The following KCNH8 variants were observed in gnomAD, a reference collection of about 807,000 sequenced individuals.
The protein encoded by KCNH8 is voltage-gated delayed rectifier potassium channel KCNH8.
A neutral mutation model predicts 103.6 loss-of-function variants in KCNH8; 70 were observed. That is an observed-to-expected ratio of 0.68 (90% CI 0.56 to 0.82). The LOEUF (loss-of-function observed/expected upper bound fraction) is 0.82. Among genes scored for constraint, KCNH8 ranks in the 40% least tolerant of loss-of-function variants. The pLI, the probability that KCNH8 is intolerant of heterozygous loss-of-function variation, is 0.00. For missense variants in KCNH8, 1,217 were observed against 1,329.9 expected (o/e 0.92, Z 1.32); for synonymous variants, 498 against 489.4 (o/e 1.02, Z -0.23).
At chr3:19,385,421 A>G (rs915150618) in intron 5 of KCNH8, among the ~76,000 whole-genome samples, 1 of 152,156 alleles carries the variant, frequency 6.6e-6, no homozygotes, top group Admixed American at 6.5e-5. Context: ...AATTGACCCT[A>G]CAGATACAAA....
chr3:19,217,119 C>T (rs962093528), intron 1 of KCNH8, among the ~76,000 whole-genome samples: 2 of 152,172 alleles, frequency 1.3e-5, no homozygotes, highest in African/African-American at 2.4e-5. Flanking sequence ...CAGTCCCTTG[C>T]GCAAGGCTAA....
In KCNH8 at chr3:19,246,922, G is replaced by A. The variant is rs573367017; in HGVS notation, c.77-6732G>A. The stretch of plus-strand genomic sequence containing the variant: ...TTTGTTTCCATTTGTCTCTCTGTTT[G>A]TTTGTTTATTGGACTGAAGGGAGCA... On this transcript the variant is annotated intron_variant, in intron 1 of 15. Transcript: ENST00000328405. Among the ~76,000 whole-genome samples, 10 of 152,260 alleles carry A rather than the reference G, an allele frequency of 6.6e-5. No homozygotes were observed. In the South Asian group the frequency reaches 1.0e-3, roughly 16 times the overall value.
At chr3:19,310,777 A>G (rs2065197547) in intron 3 of KCNH8, among the ~76,000 whole-genome samples, 2 of 151,886 alleles carry the variant, frequency 1.3e-5, no homozygotes, top group Admixed American at 6.6e-5. Flanking sequence ...TTTTTAGTGA[A>G]TGAATTAAAT....
chr3:19,314,015 C>A (rs567197954), intron 3 of KCNH8, among the ~76,000 whole-genome samples: 13 of 151,866 alleles, frequency 8.6e-5, no homozygotes, highest in Non-Finnish European at 1.9e-4. Context: ...GTTCTCCCCC[C>A]ACCCCTTTAA....
At chr3:19,533,358 T>G in intron 15 of KCNH8, 37 bp from the exon 16 acceptor site, 1 of 1,374,136 alleles carries the variant, frequency 7.3e-7, no homozygotes, top group South Asian at 1.2e-5. Flanking sequence ...ACTATGCACC[T>G]CTAACTATTG....
intron 11 of KCNH8, among the ~76,000 whole-genome samples, chr3:19,503,783 TA>T (rs2068637557): frequency 1.7e-5 from 1 of 58,776 alleles, no homozygotes; most frequent in Admixed American, 2.4e-4. Flanking sequence ...TATTGTGGGG[TA>T]GGGGGAGGGG....
At chr3:19,377,251 C>T (rs2066222090) in intron 5 of KCNH8, among the ~76,000 whole-genome samples, 1 of 152,150 alleles carries the variant, frequency 6.6e-6, no homozygotes, top group Non-Finnish European at 1.5e-5. Context: ...GTTGCTGAAA[C>T]ACATTTCTGC....
chr3:19,353,784 A>G lies in KCNH8; in HGVS notation c.811+5819A>G, dbSNP rs147260420. ...AGACCCACAGCCAATATCATACTGA[A>G]TGGGCAAACACTGGAAGCATTCCCT... On this transcript the variant is annotated intron_variant, in intron 5 of 15. Transcript: ENST00000328405. Among the ~76,000 whole-genome samples the G allele has an allele frequency of 3.5e-4, 54 of 152,332 alleles. 1 individual carries two copies. Among genetic ancestry groups the G allele is most frequent in the Admixed American group, 2.8e-3 (43 of 15,294 alleles).
chr3:19,202,544 C>A (rs761843996), intron 1 of KCNH8, among the ~76,000 whole-genome samples: 1 of 152,212 alleles, frequency 6.6e-6, no homozygotes, highest in South Asian at 2.1e-4. Context: ...CAGCTAACTC[C>A]TGCGCCAGAT....
At chr3:19,229,341 C>A (rs2063967357) in intron 1 of KCNH8, among the ~76,000 whole-genome samples, 1 of 152,222 alleles carries the variant, frequency 6.6e-6, no homozygotes, top group Non-Finnish European at 1.5e-5. Context: ...GAGTGCCCTA[C>A]CCCTGCAGCA....
At chr3:19,357,257 C>T (rs2065892152) in intron 5 of KCNH8, among the ~76,000 whole-genome samples, 1 of 151,822 alleles carries the variant, frequency 6.6e-6, no homozygotes, top group South Asian at 2.1e-4. Context: ...CATCCCCATT[C>T]CTTCATTTCC....
chr3:19,152,526 C>T (rs1189870592), intron 1 of KCNH8, among the ~76,000 whole-genome samples: 2 of 152,108 alleles, frequency 1.3e-5, no homozygotes, highest in African/African-American at 4.8e-5. Context: ...CCAGTGGACT[C>T]CATCAAGAAG....
intron 1 of KCNH8, among the ~76,000 whole-genome samples, chr3:19,221,209 T>A (rs1039504834): frequency 6.6e-6 from 1 of 152,210 alleles, no homozygotes; most frequent in African/African-American, 2.4e-5. Flanking sequence ...TTGCTAGTCA[T>A]CCTGGTGTAG....
At chr3:19,394,389 G>T (rs899409664) in intron 6 of KCNH8, among the ~76,000 whole-genome samples, 1 of 151,918 alleles carries the variant, frequency 6.6e-6, no homozygotes, top group Non-Finnish European at 1.5e-5. Context: ...CAAGTCTACT[G>T]CTATAGTGGA....
rs1176581273 is a variant in KCNH8, at chr3:19,517,472, G to T, written c.2543-526G>T. The stretch of plus-strand genomic sequence containing the variant: ...TTTGGAAGAGCAAAGTAGAGAAAAA[G>T]TGGAGAAGAAGAACTAAAAACTGGG... On this transcript the variant is annotated intron_variant, in intron 14 of 15. Coordinates refer to ENST00000328405, the MANE Select transcript of KCNH8 (RefSeq NM_144633.3). 3.3e-5 allele frequency among the ~76,000 whole-genome samples: 5 copies of T among 152,080 alleles called. No homozygotes were observed. In the East Asian group the frequency reaches 9.7e-4, roughly 30 times the overall value.
chr3:19,322,782 C>A (rs1348876920), intron 3 of KCNH8, among the ~76,000 whole-genome samples: 1 of 152,198 alleles, frequency 6.6e-6, no homozygotes, highest in Non-Finnish European at 1.5e-5. Flanking sequence ...TCCCCTCTAA[C>A]ATGTTTTCCA....
At chr3:19,352,072 G>A (rs945849790) in intron 5 of KCNH8, among the ~76,000 whole-genome samples, 1 of 152,094 alleles carries the variant, frequency 6.6e-6, no homozygotes, top group Non-Finnish European at 1.5e-5. Flanking sequence ...ACAAAAAAAA[G>A]CAGGGGTTGG....
At chr3:19,531,767 T>C (rs577850134) in intron 15 of KCNH8, among the ~76,000 whole-genome samples, 50 of 152,332 alleles carry the variant, frequency 3.3e-4, no homozygotes, top group African/African-American at 1.0e-3. Flanking sequence ...TACTTAAATG[T>C]TGAAGAATGT....
intron 3 of KCNH8, among the ~76,000 whole-genome samples, chr3:19,337,999 C>CGG (rs67419831): frequency 4.1e-5 from 6 of 147,106 alleles, no homozygotes; most frequent in African/African-American, 2.5e-5. Context: ...GAGAGAGAGG[C>CGG]GGGGGGGGGA....
Sources: gnomAD v4.1 joint callset for allele counts (sites outside exome capture counted in the v4.1 genomes callset) on GRCh38, gnomAD v4.1.1 for gene constraint, MANE v1.5 for transcripts, NCBI Gene and HGNC (gene_info 2026-07-23, HGNC 2026-07-21) for gene names.